Variants in DNAH7 observed in about 807,000 individuals in gnomAD.
DNAH7 encodes axonemal beta dynein heavy chain 7.
Under a neutral mutation model 444.6 loss-of-function variants are expected in DNAH7, and 397 were observed. The observed-to-expected ratio is 0.89, with a 90% confidence interval of 0.82 to 0.97. The LOEUF is 0.97. Ranked by LOEUF, DNAH7 falls within the 50% of genes least tolerant of loss-of-function variation. The pLI is 0.00. For missense variants in DNAH7, 4,902 were observed against 4,800.8 expected (o/e 1.02, Z -0.62); for synonymous variants, 1,636 against 1,624.4 (o/e 1.01, Z -0.17).
chr2:196,035,165 G>A (rs1359243889), intron 5 of DNAH7, among the ~76,000 whole-genome samples: 4 of 151,782 alleles, frequency 2.6e-5, no homozygotes, highest in Admixed American at 2.0e-4. Context: ...CTGGGTGACA[G>A]ACAAAGACTC....
At chr2:195,847,907 G>GT (rs1171967257) in intron 46 of DNAH7, among the ~76,000 whole-genome samples, 6 of 152,208 alleles carry the variant, frequency 3.9e-5, no homozygotes, top group Non-Finnish European at 7.3e-5. Flanking sequence ...CTGGGGGACA[G>GT]TCTGTAGGAT....
At chr2:195,856,725 T>C (rs1699735480) in intron 44 of DNAH7, among the ~76,000 whole-genome samples, 1 of 152,240 alleles carries the variant, frequency 6.6e-6, no homozygotes. Context: ...CAGTGGTTTT[T>C]AAAGTGTGGT....
chr2:195,745,090 G>C (rs1005172417), intron 63 of DNAH7, among the ~76,000 whole-genome samples: 3 of 152,134 alleles, frequency 2.0e-5, no homozygotes, highest in Admixed American at 6.5e-5. Flanking sequence ...CAAAGGCAAA[G>C]AAGTTAAAAA....
intron 38 of DNAH7, 48 bp from the exon 39 acceptor site, chr2:195,873,742 A>G (rs775422077): frequency 3.0e-6 from 4 of 1,353,580 alleles, no homozygotes; most frequent in Non-Finnish European, 3.9e-6. Context: ...AGTATATACA[A>G]GAGTATTTTC....
intron 47 of DNAH7, among the ~76,000 whole-genome samples, chr2:195,843,870 G>A (rs1008131258): frequency 6.6e-6 from 1 of 152,158 alleles, no homozygotes; most frequent in African/African-American, 2.4e-5. Context: ...GCTGAGGCGG[G>A]CACATCACAA....
In DNAH7 at chr2:195,771,641, T is replaced by C; in HGVS notation, c.11433+19A>G. The C allele has an allele frequency of 1.3e-6, 2 of 1,561,884 alleles. No homozygotes were observed. The highest frequency in any genetic ancestry group is 1.8e-6 in the Non-Finnish European group (2 of 1,134,256). ...ATATATAATTTAATGGGGGTTTTTT[T>C]TGGTGTTTTTCACCTTACCTTGATT... On this transcript the variant is annotated intron_variant, in intron 61 of 64. Transcript: ENST00000312428.
chr2:196,020,611 T>G (rs1695318727), intron 8 of DNAH7, among the ~76,000 whole-genome samples: 1 of 138,676 alleles, frequency 7.2e-6, no homozygotes, highest in African/African-American at 2.8e-5. Flanking sequence ...TTGGGGCTTT[T>G]GTTTTTTTTT....
At chr2:195,986,040 T>C (rs1400710404) in intron 14 of DNAH7, among the ~76,000 whole-genome samples, 16 of 152,154 alleles carry the variant, frequency 1.1e-4, no homozygotes. Context: ...CCTGGAATTA[T>C]TTTACCCACA....
intron 61 of DNAH7, among the ~76,000 whole-genome samples, chr2:195,766,007 C>T (rs1391421861): frequency 1.3e-5 from 2 of 151,758 alleles, no homozygotes; most frequent in Non-Finnish European, 2.9e-5. Context: ...ATGAAGAAAA[C>T]GTGGTACTTA....
intron 7 of DNAH7, 75 bp downstream of exon 7, chr2:196,026,685 G>C: frequency 1.0e-6 from 1 of 998,012 alleles, no homozygotes; most frequent in South Asian, 1.7e-5. Flanking sequence ...TTCAAGTATA[G>C]GTATTATTAA....
rs543655172 is a variant in DNAH7, at chr2:195,912,177, T to TA, written c.3936-1983dup. On this transcript the variant is annotated intron_variant, in intron 24 of 64. Coordinates refer to ENST00000312428, the MANE Select transcript of DNAH7 (RefSeq NM_018897.3). ...AGAATCATTGGTGTGTTGTGTTTTT[T>TA]ACCTCTCTCTGTATGGTGGAAGAAA... 5.5e-4 allele frequency among the ~76,000 whole-genome samples: 84 copies of TA among 152,178 alleles called. 1 individual carries two copies. Among genetic ancestry groups the TA allele is most frequent in the Non-Finnish European group, 1.1e-3 (77 of 68,028 alleles).
chr2:196,004,059 A>C (rs966403458), intron 10 of DNAH7, among the ~76,000 whole-genome samples: 1 of 152,260 alleles, frequency 6.6e-6, no homozygotes, highest in Non-Finnish European at 1.5e-5. Flanking sequence ...GGCATGATCC[A>C]AGGTGAAAGT....
At chr2:195,784,835 T>A (rs577533155) in intron 58 of DNAH7, among the ~76,000 whole-genome samples, 4 of 152,288 alleles carry the variant, frequency 2.6e-5, no homozygotes, top group Non-Finnish European at 5.9e-5. Context: ...TCTGATGACA[T>A]ATAATGTGGA....
At chr2:195,816,132 C>T (rs1265441533) in intron 51 of DNAH7, among the ~76,000 whole-genome samples, 1 of 152,074 alleles carries the variant, frequency 6.6e-6, no homozygotes, top group Non-Finnish European at 1.5e-5. Context: ...TAATAGCCAA[C>T]AGTAATATAA....
At chr2:195,759,733 T>C (rs531386493) in intron 61 of DNAH7, among the ~76,000 whole-genome samples, 7 of 152,074 alleles carry the variant, frequency 4.6e-5, no homozygotes, top group Non-Finnish European at 1.0e-4. Context: ...AGGTCTTTAG[T>C]CCCAGCTGCT....
rs779832706 is a variant in DNAH7 at position 195,872,315 on chromosome 2, C to T, written c.6568G>A (p.Val2190Ile). 2.5e-6 allele frequency: 4 copies of T among 1,613,778 alleles called. No homozygotes were observed. The highest frequency in any genetic ancestry group is 3.4e-6 in the Non-Finnish European group (4 of 1,179,936). Reference protein sequence around the residue: ...LRDFSRVIQGVCLSRPETTET... With the variant: ...LRDFSRVIQGICLSRPETTET... Reference sequence around the variant, plus strand: ...GTTGTTTCTGGTCTTGACAAACAAACACCTTGAATGACACGGGAGAAATCA... The same window carrying T: ...GTTGTTTCTGGTCTTGACAAACAAATACCTTGAATGACACGGGAGAAATCA... The change falls in exon 40 of 65, where the codon GTT becomes ATT. Residue 2190 changes from valine (V) to isoleucine (I), a missense_variant. Coordinates refer to ENST00000312428, the MANE Select transcript of DNAH7 (RefSeq NM_018897.3).
At chr2:195,821,036 T>TG (rs1004751760) in intron 49 of DNAH7, among the ~76,000 whole-genome samples, 4 of 152,182 alleles carry the variant, frequency 2.6e-5, no homozygotes, top group Non-Finnish European at 5.9e-5. Context: ...CTAAGCAACT[T>TG]GGGGCTAGAT....
chr2:196,032,903 G>T (rs1696145210), intron 5 of DNAH7, among the ~76,000 whole-genome samples: 1 of 152,038 alleles, frequency 6.6e-6, no homozygotes, highest in Admixed American at 6.5e-5. Flanking sequence ...CATATTAAAA[G>T]GATTACACAC....
chr2:196,034,695 T>A lies in DNAH7; in HGVS notation c.399-6648A>T, dbSNP rs561074214. Among the ~76,000 whole-genome samples the A allele has an allele frequency of 2.0e-5, 3 of 152,308 alleles. No homozygotes were observed. In the East Asian group the frequency reaches 5.8e-4, roughly 29 times the overall value. ...GTGTAAAAATAAACACATAGATCAA[T>A]GGAACAGAAATAGCCCCTCGTATAT... On this transcript the variant is annotated intron_variant, in intron 5 of 64. Transcript: ENST00000312428.
Sources: gnomAD v4.1 joint callset for allele counts (sites outside exome capture counted in the v4.1 genomes callset) on GRCh38, gnomAD v4.1.1 for gene constraint, MANE v1.5 for transcripts, NCBI Gene and HGNC (gene_info 2026-07-23, HGNC 2026-07-21) for gene names.